Variants in SLC66A2 observed in about 807,000 individuals in gnomAD.
SLC66A2 encodes the protein solute carrier family 66 member 2.
Under a neutral mutation model 25.5 loss-of-function variants are expected in SLC66A2, and 23 were observed. That is an observed-to-expected ratio of 0.90 (90% CI 0.65 to 1.28). SLC66A2 has a LOEUF of 1.28. Ranked by LOEUF, SLC66A2 falls within the 50% of genes most tolerant of loss-of-function variation. The probability of loss-of-function intolerance (pLI) is 0.00; values close to 1 mark genes in which losing one functional copy is unlikely to be tolerated. For missense variants in SLC66A2, 396 were observed against 373.1 expected (o/e 1.06, Z -0.51); for synonymous variants, 193 against 166.5 (o/e 1.16, Z -1.23).
At position 79,937,806 on chromosome 18, in the gene SLC66A2, A is replaced by G. The variant is rs1023676399; in HGVS notation, c.338-3784T>C. ...TTGTCCTTGTCCACATCCCAGGGAC[A>G]TAAAGACACGAGGAAACACCAGGAG... On this transcript the variant is annotated intron_variant, in intron 3 of 5. Coordinates refer to ENST00000397778, the MANE Select transcript of SLC66A2 (RefSeq NM_025078.5). This position sits in a 1 kb window ranked among gnomAD's most constrained non-coding sequence, Gnocchi z 5.4. 6.6e-6 allele frequency among the ~76,000 whole-genome samples: 1 copy of G among 152,204 alleles called. No individual in the cohort carries two copies. The highest frequency in any genetic ancestry group is 2.4e-5 in the African/African-American group (1 of 41,462).
At chr18:79,943,584 T>A in intron 2 of SLC66A2, 122 bp from the exon 3 acceptor site, 1 of 1,156,106 alleles carries the variant, frequency 8.6e-7, no homozygotes, top group Non-Finnish European at 1.2e-6. Context: ...CTCCCAGTCC[T>A]GAACCTGCAG....
chr18:79,918,512 G>T lies in SLC66A2; in HGVS notation c.608+672C>A, dbSNP rs1984557709. Among the ~76,000 whole-genome samples the T allele has an allele frequency of 6.6e-6, 1 of 152,090 alleles. No homozygotes were observed. The highest frequency in any genetic ancestry group is 6.5e-5 in the Admixed American group (1 of 15,284). The stretch of plus-strand genomic sequence containing the variant: ...TCCCCAGTGAGGAGCGGGCCTGGGG[G>T]TCGAAAGTGTGAGGGACTAGAGTTT... On this transcript the variant is annotated intron_variant, in intron 5 of 5. Transcript: ENST00000397778. The surrounding 1 kb of genome is among the most constrained non-coding windows in gnomAD (Gnocchi z 4.0).
rs895735125 is a variant in SLC66A2, at chr18:79,927,591, C to T, written c.391+6378G>A. 3.3e-5 allele frequency among the ~76,000 whole-genome samples: 5 copies of T among 152,114 alleles called. No individual in the cohort carries two copies. Among genetic ancestry groups the T allele is most frequent in the South Asian group, 2.1e-4 (1 of 4,830 alleles). ...GCAGGCGGCAACAGGGACAGGCAGACGACACAGCTGGGGCCAGAGGACGAC... is the reference window on the plus strand; with the variant it reads ...GCAGGCGGCAACAGGGACAGGCAGATGACACAGCTGGGGCCAGAGGACGAC... On this transcript the variant is annotated intron_variant, in intron 4 of 5. Transcript: ENST00000397778. This position sits in a 1 kb window ranked among gnomAD's most constrained non-coding sequence, Gnocchi z 6.2.
At position 79,927,417 on chromosome 18, in the gene SLC66A2, G is replaced by A. The variant is rs1294216821; in HGVS notation, c.391+6552C>T. 2.6e-5 allele frequency among the ~76,000 whole-genome samples: 4 copies of A among 152,196 alleles called. No homozygotes were observed. The highest frequency in any genetic ancestry group is 5.9e-5 in the Non-Finnish European group (4 of 68,044). On this transcript the variant is annotated intron_variant, in intron 4 of 5. Transcript: ENST00000397778. This position sits in a 1 kb window ranked among gnomAD's most constrained non-coding sequence, Gnocchi z 6.2. ...AGAGGCCCCCGAGGCCACCAGGGCC[G>A]ACTTTTACTTTATCCTAAGGATCAG... is the stretch of plus-strand genomic sequence containing the variant.
intron 3 of SLC66A2, among the ~76,000 whole-genome samples, chr18:79,936,659 G>GA (rs1410900706): frequency 2.0e-5 from 3 of 151,968 alleles, no homozygotes; most frequent in African/African-American, 7.2e-5. Context: ...AACTTAAAAG[G>GA]AAAAAAGTAC....
At position 79,918,629 on chromosome 18, in the gene SLC66A2, C is replaced by T. The variant is rs954318750; in HGVS notation, c.608+555G>A. 3.9e-5 allele frequency among the ~76,000 whole-genome samples: 6 copies of T among 152,248 alleles called. No individual in the cohort carries two copies. The highest frequency in any genetic ancestry group is 1.2e-4 in the African/African-American group (5 of 41,460). Reference sequence around the variant, plus strand: ...GAGCCCGTGGGCATCATGCTGCTCGCGTTGTGCCCTACCTCTGGCGGTCAC... The same window carrying T: ...GAGCCCGTGGGCATCATGCTGCTCGTGTTGTGCCCTACCTCTGGCGGTCAC... On this transcript the variant is annotated intron_variant, in intron 5 of 5. Transcript: ENST00000397778. This position sits in a 1 kb window ranked among gnomAD's most constrained non-coding sequence, Gnocchi z 4.0.
chr18:79,942,838 G>A (rs1056517293), intron 3 of SLC66A2, among the ~76,000 whole-genome samples: 4 of 152,342 alleles, frequency 2.6e-5, no homozygotes, highest in Admixed American at 2.0e-4. Flanking sequence ...AGTGTGCTCC[G>A]CATAAAGGGG....
chr18:79,902,521 C>T lies in SLC66A2; in HGVS notation c.*1455G>A, dbSNP rs1363634684. ...CGACAGTTTAATGTGAGGCAATTAC[C>T]GCTACAGACATCTTGCTTCATCTTA... On this transcript the variant is annotated 3_prime_UTR_variant, in exon 6 of 6. Transcript: ENST00000397778. 1.3e-5 allele frequency: 2 copies of T among 152,254 alleles called. No homozygotes were observed. Among genetic ancestry groups the T allele is most frequent in the Non-Finnish European group, 2.9e-5 (2 of 68,054 alleles). 9.4% of individuals were successfully genotyped at this position (152,254 alleles called of 1,614,324 possible).
Position 79,903,368 on chromosome 18 carries a change from G to A in SLC66A2, c.*608C>T, listed in dbSNP as rs1324435821. On this transcript the variant is annotated 3_prime_UTR_variant, in exon 6 of 6. Transcript: ENST00000397778. Reference sequence around the variant, plus strand: ...ATCCACAAGGCGTTCAGGCCTCGCAGCCACTCCAAAGGCCCAGGAAACACC... The same window carrying A: ...ATCCACAAGGCGTTCAGGCCTCGCAACCACTCCAAAGGCCCAGGAAACACC... 6.5e-6 allele frequency: 1 copy of A among 152,754 alleles called. No individual in the cohort carries two copies. The highest frequency in any genetic ancestry group is 2.4e-5 in the African/African-American group (1 of 41,466). The allele number at this position is 152,754 out of a possible 1,614,324, so 9.5% of individuals were successfully genotyped here.
In SLC66A2 at chr18:79,934,869, G is replaced by C. The variant is rs543441626; in HGVS notation, c.338-847C>G. Among the ~76,000 whole-genome samples the C allele has an allele frequency of 3.3e-5, 5 of 152,324 alleles. No homozygotes were observed. The South Asian group carries it at 1.0e-3, about 32-fold the overall frequency. On this transcript the variant is annotated intron_variant, in intron 3 of 5. Coordinates refer to ENST00000397778, the MANE Select transcript of SLC66A2 (RefSeq NM_025078.5). ...CAAGTGAACAGCTAAAAGCAAATAC[G>C]AGGTGACCTCTGACCTCTGCCCTCT...
At chr18:79,929,343 A>C (rs144343450) in intron 4 of SLC66A2, among the ~76,000 whole-genome samples, 1 of 152,188 alleles carries the variant, frequency 6.6e-6, no homozygotes, top group East Asian at 1.9e-4. Context: ...CGGGAAGATC[A>C]GGGAGGGTCA....
chr18:79,911,148 G>A (rs1387043535), intron 5 of SLC66A2, among the ~76,000 whole-genome samples: 1 of 152,254 alleles, frequency 6.6e-6, no homozygotes, highest in Non-Finnish European at 1.5e-5. Context: ...GAAATCGGGG[G>A]TCGGGGCCAC....
chr18:79,924,817 A>G (rs1985735972), intron 4 of SLC66A2: 1 of 152,248 alleles, frequency 6.6e-6, no homozygotes, highest in Admixed American at 6.5e-5. Context: ...TCTGGGAATT[A>G]AGGTGCTGTC....
At position 79,951,040 on chromosome 18, in the gene SLC66A2, G is replaced by T. The variant is rs1414865910; in HGVS notation, c.-99-15C>A. On this transcript the variant is annotated splice_polypyrimidine_tract_variant and intron_variant, in intron 1 of 5. Coordinates refer to ENST00000397778, the MANE Select transcript of SLC66A2 (RefSeq NM_025078.5). ...GGCCTCGGGGCCTGCGGGGAGCGGG[G>T]AGCTGCTCGAGTTCCGCCCAGGGAG... 2 of 743,792 alleles carry T rather than the reference G, an allele frequency of 2.7e-6. No individual in the cohort carries two copies. The highest frequency in any genetic ancestry group is 3.7e-5 in the African/African-American group (2 of 53,674). 46.1% of individuals were successfully genotyped at this position (743,792 alleles called of 1,614,324 possible).
chr18:79,907,915 G>A (rs529509825), intron 5 of SLC66A2, among the ~76,000 whole-genome samples: 5 of 151,778 alleles, frequency 3.3e-5, no homozygotes, highest in South Asian at 2.1e-4. Flanking sequence ...CTTATTCTAG[G>A]GACTATAATA....
chr18:79,916,705 C>T (rs993870494), intron 5 of SLC66A2, among the ~76,000 whole-genome samples: 3 of 152,248 alleles, frequency 2.0e-5, no homozygotes, highest in Admixed American at 6.5e-5. Flanking sequence ...TCCACGAGAC[C>T]GAGCTCCTGC....
chr18:79,931,730 T>C (rs1381576556), intron 4 of SLC66A2, among the ~76,000 whole-genome samples: 1 of 152,190 alleles, frequency 6.6e-6, no homozygotes, highest in Non-Finnish European at 1.5e-5. Flanking sequence ...TACTGGAATC[T>C]GGCTGGGCGT....
intron 4 of SLC66A2, among the ~76,000 whole-genome samples, chr18:79,930,500 T>A (rs1485171125): frequency 6.6e-6 from 1 of 151,972 alleles, no homozygotes; most frequent in Admixed American, 6.6e-5. Context: ...CAAATCCACA[T>A]AAAAAAAGAG....
At chr18:79,916,714 G>A (rs1016563656) in intron 5 of SLC66A2, among the ~76,000 whole-genome samples, 1 of 152,240 alleles carries the variant, frequency 6.6e-6, no homozygotes, top group Admixed American at 6.5e-5. Flanking sequence ...CCGAGCTCCT[G>A]CCTGGGGACC....
Sources: gnomAD v4.1 joint callset for allele counts (sites outside exome capture counted in the v4.1 genomes callset) on GRCh38, gnomAD v4.1.1 for gene constraint, Gnocchi (gnomAD v3.1) non-coding constraint, MANE v1.5 for transcripts, NCBI Gene and HGNC (gene_info 2026-07-23, HGNC 2026-07-21) for gene names.